The following ATXN8OS variants were observed in gnomAD, a reference collection of about 807,000 sequenced individuals.
ATXN8OS encodes ATXN8 opposite strand lncRNA.
At chr13:70,168,646 T>C (rs539420326) in intron 4 of ATXN8OS, among the ~76,000 whole-genome samples, 4 of 151,890 alleles carry the variant, frequency 2.6e-5, no homozygotes, top group Non-Finnish European at 5.9e-5. Flanking sequence ...GACATTTGTC[T>C]TTCTGTTTCT....
At chr13:70,131,385 T>C in intron 3 of ATXN8OS, 1 of 398,350 alleles carries the variant, frequency 2.5e-6, no homozygotes, top group African/African-American at 2.1e-5. Context: ...TTAAATTGCA[T>C]ATATGACCGT....
At chr13:70,147,070 A>C (rs555255352) in intron 3 of ATXN8OS, among the ~76,000 whole-genome samples, 1 of 152,250 alleles carries the variant, frequency 6.6e-6, no homozygotes, top group East Asian at 1.9e-4. Flanking sequence ...CTTCTTTTGG[A>C]TATGTTTCTG....
At chr13:70,124,413 A>G (rs1352087299) in intron 2 of ATXN8OS, among the ~76,000 whole-genome samples, 1 of 152,106 alleles carries the variant, frequency 6.6e-6, no homozygotes, top group Non-Finnish European at 1.5e-5. Context: ...CAACAGCTAC[A>G]TTAGATACTA....
At chr13:70,142,625 A>T (rs1263882152) in intron 3 of ATXN8OS, among the ~76,000 whole-genome samples, 7 of 152,234 alleles carry the variant, frequency 4.6e-5, no homozygotes, top group Admixed American at 4.6e-4. Flanking sequence ...TGTAATCACC[A>T]TTAGACAGTG....
intron 4 of ATXN8OS, among the ~76,000 whole-genome samples, chr13:70,150,823 C>T (rs942573252): frequency 6.6e-6 from 1 of 152,124 alleles, no homozygotes; most frequent in Non-Finnish European, 1.5e-5. Context: ...CCATGCTTCA[C>T]TACCACAAAA....
intron 3 of ATXN8OS, among the ~76,000 whole-genome samples, chr13:70,146,641 A>G (rs1888790042): frequency 6.6e-6 from 1 of 152,048 alleles, no homozygotes; most frequent in Admixed American, 6.6e-5. Context: ...GGAAACCATC[A>G]TTCTCAGCAA....
At chr13:70,125,964 CA>C (rs1273054984) in intron 2 of ATXN8OS, among the ~76,000 whole-genome samples, 2 of 152,098 alleles carry the variant, frequency 1.3e-5, no homozygotes, top group African/African-American at 4.8e-5. Flanking sequence ...TAGCTAAAGA[CA>C]AGCGGTGTGA....
chr13:70,115,719 A>C (rs189608870), intron 2 of ATXN8OS, among the ~76,000 whole-genome samples: 34 of 152,248 alleles, frequency 2.2e-4, no homozygotes, highest in Admixed American at 9.8e-4. Context: ...GAAATGGATA[A>C]GAGTAATAAC....
intron 4 of ATXN8OS, among the ~76,000 whole-genome samples, chr13:70,147,548 A>C (rs1888802413): frequency 6.6e-6 from 1 of 152,184 alleles, no homozygotes; most frequent in African/African-American, 2.4e-5. Flanking sequence ...TCTAATCAAG[A>C]GAAAAGAAGT....
intron 2 of ATXN8OS, among the ~76,000 whole-genome samples, chr13:70,116,420 G>A (rs988598482): frequency 6.6e-5 from 10 of 152,104 alleles, no homozygotes; most frequent in South Asian, 4.1e-4. Flanking sequence ...TGGACTGTTC[G>A]TGTATGAGCG....
At chr13:70,151,038 T>C (rs1638642150) in intron 4 of ATXN8OS, among the ~76,000 whole-genome samples, 1 of 152,124 alleles carries the variant, frequency 6.6e-6, no homozygotes, top group South Asian at 2.1e-4. Flanking sequence ...TTGATGAGTT[T>C]GGACATGTGC....
At chr13:70,149,899 T>TA (rs1888840613) in intron 4 of ATXN8OS, among the ~76,000 whole-genome samples, 1 of 151,948 alleles carries the variant, frequency 6.6e-6, no homozygotes, top group South Asian at 2.1e-4. Flanking sequence ...TTATGTCAGT[T>TA]AAAAAAAGAA....
At chr13:70,167,619 C>A (rs1422360665) in intron 4 of ATXN8OS, among the ~76,000 whole-genome samples, 1 of 150,650 alleles carries the variant, frequency 6.6e-6, no homozygotes, top group Non-Finnish European at 1.5e-5. Context: ...ATGTAACTAA[C>A]CTGCACGTTG....
intron 4 of ATXN8OS, among the ~76,000 whole-genome samples, chr13:70,157,364 G>A (rs1192877287): frequency 6.6e-6 from 1 of 151,610 alleles, no homozygotes; most frequent in Non-Finnish European, 1.5e-5. Context: ...AACCATAAAA[G>A]GAGAAAATCC....
At chr13:70,163,922 T>A (rs1045471739) in intron 4 of ATXN8OS, among the ~76,000 whole-genome samples, 8 of 151,274 alleles carry the variant, frequency 5.3e-5, no homozygotes, top group African/African-American at 1.9e-4. Context: ...AGAATAAATA[T>A]ATGACAGATT....
chr13:70,161,039 T>C (rs184630052), intron 4 of ATXN8OS, among the ~76,000 whole-genome samples: 1 of 151,726 alleles, frequency 6.6e-6, no homozygotes, highest in African/African-American at 2.4e-5. Context: ...ATAACTGTTA[T>C]TAGAAAATGT....
intron 4 of ATXN8OS, among the ~76,000 whole-genome samples, chr13:70,153,536 T>C (rs1467785330): frequency 1.3e-5 from 2 of 151,888 alleles, no homozygotes; most frequent in African/African-American, 4.8e-5. Flanking sequence ...CATCGCACCA[T>C]TGCACTCCAG....
chr13:70,168,387 T>C (rs571700569), intron 4 of ATXN8OS, among the ~76,000 whole-genome samples: 2 of 152,194 alleles, frequency 1.3e-5, no homozygotes, highest in African/African-American at 4.8e-5. Context: ...TCCTCTCTTC[T>C]AGCTATTTTG....
At chr13:70,130,569 C>G in intron 3 of ATXN8OS, 1 of 396,858 alleles carries the variant, frequency 2.5e-6, no homozygotes, top group Non-Finnish European at 4.4e-6. Context: ...AAAGAAACAA[C>G]TTTTGAGATA....
Sources: allele counts gnomAD v4.1 joint callset (sites outside exome capture counted in the v4.1 genomes callset), GRCh38; gene constraint gnomAD v4.1.1; transcripts MANE v1.5; gene names NCBI Gene and HGNC (gene_info 2026-07-23, HGNC 2026-07-21).